Variants in TRPM3 observed in about 807,000 individuals in gnomAD.
TRPM3 encodes the protein long transient receptor potential channel 3.
Under a neutral mutation model 181.2 loss-of-function variants are expected in TRPM3, and 77 were observed. The observed-to-expected ratio is 0.42, with a 90% CI of 0.35 to 0.51. The LOEUF (loss-of-function observed/expected upper bound fraction) is 0.51. Among genes scored for constraint, TRPM3 ranks in the 20% least tolerant of loss-of-function variants. TRPM3 has a pLI of 0.01. For missense variants in TRPM3, 1,759 were observed against 2,196.7 expected (o/e 0.80, Z 3.98); for synonymous variants, 745 against 796.4 (o/e 0.94, Z 1.09).
intron 1 of TRPM3, among the ~76,000 whole-genome samples, chr9:71,297,527 G>A (rs998286233): frequency 1.3e-5 from 2 of 152,202 alleles, no homozygotes; most frequent in East Asian, 3.9e-4. Flanking sequence ...TCACATGGTG[G>A]CAGTAAGGAG....
intron 1 of TRPM3, among the ~76,000 whole-genome samples, chr9:70,867,711 A>T (rs1412306541): frequency 6.6e-6 from 1 of 152,114 alleles, no homozygotes. Flanking sequence ...GGTATAACAC[A>T]TGAATTAGGA....
intron 1 of TRPM3, among the ~76,000 whole-genome samples, chr9:71,207,069 A>T (rs182641563): frequency 3.7e-4 from 57 of 152,242 alleles, no homozygotes; most frequent in African/African-American, 1.3e-3. Flanking sequence ...GTTGATTTTT[A>T]AAATCCAGCT....
At chr9:70,992,308 A>G (rs1024232250) in intron 1 of TRPM3, among the ~76,000 whole-genome samples, 1 of 152,166 alleles carries the variant, frequency 6.6e-6, no homozygotes. Flanking sequence ...AGGATGTGGG[A>G]CTACCTAATT....
At chr9:71,354,117 G>T (rs548347385) in intron 1 of TRPM3, among the ~76,000 whole-genome samples, 2 of 152,062 alleles carry the variant, frequency 1.3e-5, no homozygotes, top group African/African-American at 4.8e-5. Flanking sequence ...CTGAAATTTT[G>T]TTCATGTTTT....
At chr9:71,223,036 G>A (rs1032463246) in intron 1 of TRPM3, among the ~76,000 whole-genome samples, 1 of 152,108 alleles carries the variant, frequency 6.6e-6, no homozygotes, top group African/African-American at 2.4e-5. Context: ...TGGACTTGGG[G>A]GCTAGGGGCT....
intron 1 of TRPM3, among the ~76,000 whole-genome samples, chr9:71,189,441 C>G (rs542836310): frequency 8.7e-4 from 132 of 151,852 alleles, no homozygotes; most frequent in Non-Finnish European, 1.5e-3. Context: ...TACACCCATC[C>G]TTAAGCTGCT....
At chr9:70,662,049 G>A (rs552104936) in intron 9 of TRPM3, among the ~76,000 whole-genome samples, 7 of 152,176 alleles carry the variant, frequency 4.6e-5, no homozygotes, top group Admixed American at 1.3e-4. Flanking sequence ...TATCAAAACC[G>A]CGGGGTACTG....
intron 1 of TRPM3, among the ~76,000 whole-genome samples, chr9:71,194,760 A>G (rs760615246): frequency 5.9e-5 from 9 of 151,966 alleles, no homozygotes; most frequent in Non-Finnish European, 8.8e-5. Context: ...TACAGTACTG[A>G]AAGCATACTC....
chr9:71,203,499 T>G (rs983753006), intron 1 of TRPM3, among the ~76,000 whole-genome samples: 1 of 152,190 alleles, frequency 6.6e-6, no homozygotes, highest in African/African-American at 2.4e-5. Flanking sequence ...AAAATATGTC[T>G]TAAAGGCCCA....
intron 1 of TRPM3, among the ~76,000 whole-genome samples, chr9:71,403,901 G>A (rs1004438969): frequency 5.9e-5 from 9 of 151,992 alleles, no homozygotes; most frequent in African/African-American, 2.2e-4. Flanking sequence ...AAATTCAGAG[G>A]ATGTGGACAA....
chr9:70,742,421 AT>A (rs2074328769), intron 8 of TRPM3, among the ~76,000 whole-genome samples: 1 of 152,086 alleles, frequency 6.6e-6, no homozygotes, highest in Non-Finnish European at 1.5e-5. Flanking sequence ...TCAAATATTT[AT>A]CATTGCTCTG....
chr9:70,543,521 A>G (rs1424945254), intron 25 of TRPM3, among the ~76,000 whole-genome samples: 3 of 151,942 alleles, frequency 2.0e-5, no homozygotes, highest in African/African-American at 7.3e-5. Flanking sequence ...TCTGGTAACC[A>G]TCCTTCTACT....
At chr9:71,199,761 CTT>C (rs762009508) in intron 1 of TRPM3, among the ~76,000 whole-genome samples, 10 of 150,820 alleles carry the variant, frequency 6.6e-5, no homozygotes, top group African/African-American at 2.2e-4. Context: ...ATTCTTCTCT[CTT>C]TTCTTCTTTA....
At chr9:71,116,234 T>C (rs140765218) in intron 1 of TRPM3, among the ~76,000 whole-genome samples, 3 of 152,288 alleles carry the variant, frequency 2.0e-5, no homozygotes, top group Non-Finnish European at 4.4e-5. Context: ...TTTCCTCTCT[T>C]GTGGTGGAAA....
At chr9:70,612,391 C>T (rs1193132746) in intron 18 of TRPM3, among the ~76,000 whole-genome samples, 1 of 152,124 alleles carries the variant, frequency 6.6e-6, no homozygotes, top group African/African-American at 2.4e-5. Flanking sequence ...GTTGAGAGAG[C>T]TCATTATAGA....
At chr9:70,771,422 C>T (rs2080235494) in intron 7 of TRPM3, among the ~76,000 whole-genome samples, 1 of 152,046 alleles carries the variant, frequency 6.6e-6, no homozygotes. Flanking sequence ...TCATTCTCTT[C>T]ATTCTTTTCC....
At chr9:71,297,391 A>G (rs1388133682) in intron 1 of TRPM3, among the ~76,000 whole-genome samples, 1 of 152,136 alleles carries the variant, frequency 6.6e-6, no homozygotes, top group Non-Finnish European at 1.5e-5. Context: ...ATGCTGCTAT[A>G]AACAACTGCC....
At chr9:70,802,127 C>T (rs886768720) in intron 6 of TRPM3, among the ~76,000 whole-genome samples, 14 of 152,188 alleles carry the variant, frequency 9.2e-5, no homozygotes, top group South Asian at 2.1e-4. Flanking sequence ...AGTGTCCTAG[C>T]GTAAAGCTGC....
Position 71,343,616 on chromosome 9 carries a change from A to T in TRPM3, c.183+103037T>A, listed in dbSNP as rs189770553. Among the ~76,000 whole-genome samples the T allele has an allele frequency of 8.2e-4, 125 of 152,288 alleles. 1 individual carries two copies. The highest frequency in any genetic ancestry group is 7.9e-3 in the Admixed American group (120 of 15,280). On this transcript the variant is annotated intron_variant, in intron 1 of 24. Transcript: ENST00000357533. ...CTACATAAAATAATTACAGAAAGTA[A>T]TTTCATAAAGAGAAAAGGGTAAATA...
Sources: gnomAD v4.1 joint callset for allele counts (sites outside exome capture counted in the v4.1 genomes callset) on GRCh38, gnomAD v4.1.1 for gene constraint, MANE v1.5 for transcripts, NCBI Gene and HGNC (gene_info 2026-07-23, HGNC 2026-07-21) for gene names.